Variants in XKR6 observed in about 807,000 individuals in gnomAD.
The protein encoded by XKR6 is XK-related protein 6.
A neutral mutation model predicts 56.7 loss-of-function variants in XKR6; 22 were observed. The observed-to-expected ratio is 0.39, with a 90% CI of 0.28 to 0.55. The LOEUF (loss-of-function observed/expected upper bound fraction) is 0.55, where lower values mean the gene tolerates loss of function less well. Ranked by LOEUF, XKR6 falls within the 20% of genes least tolerant of loss-of-function variation. The probability of loss-of-function intolerance (pLI) is 0.66; values close to 1 mark genes in which losing one functional copy is unlikely to be tolerated. For missense variants in XKR6, 852 were observed against 889.0 expected (o/e 0.96, Z 0.53); for synonymous variants, 524 against 387.8 (o/e 1.35, Z -4.13).
chr8:10,903,162 G>C (rs543947239), intron 2 of XKR6, among the ~76,000 whole-genome samples: 1 of 152,194 alleles, frequency 6.6e-6, no homozygotes, highest in Non-Finnish European at 1.5e-5. Context: ...ATCTGGACCT[G>C]TCTGTGACAT....
intron 2 of XKR6, among the ~76,000 whole-genome samples, chr8:10,900,312 C>G (rs369600402): frequency 6.6e-6 from 1 of 152,306 alleles, no homozygotes; most frequent in African/African-American, 2.4e-5. Flanking sequence ...CTGCTCGTCT[C>G]TCCCCGGGAC....
intron 1 of XKR6, among the ~76,000 whole-genome samples, chr8:11,094,506 T>G (rs918430389): frequency 8.5e-5 from 13 of 152,158 alleles, no homozygotes; most frequent in African/African-American, 3.1e-4. Context: ...TACTTTTCAT[T>G]TGGGGGCATT....
intron 1 of XKR6, among the ~76,000 whole-genome samples, chr8:10,977,395 C>T (rs1423170914): frequency 2.0e-5 from 3 of 151,862 alleles, no homozygotes; most frequent in African/African-American, 7.3e-5. Context: ...ACCCCCTGCA[C>T]AGGTTAAGAG....
At chr8:11,073,561 A>G (rs1024972166) in intron 1 of XKR6, among the ~76,000 whole-genome samples, 1 of 152,244 alleles carries the variant, frequency 6.6e-6, no homozygotes, top group Admixed American at 6.5e-5. Context: ...TCGCTGTAAC[A>G]TATGCACTGA....
chr8:11,039,470 C>T (rs1799229940), intron 1 of XKR6, among the ~76,000 whole-genome samples: 1 of 152,250 alleles, frequency 6.6e-6, no homozygotes, highest in South Asian at 2.1e-4. Flanking sequence ...GAGGGACGCG[C>T]ACTGCCCATG....
chr8:11,095,351 C>G (rs997118407), intron 1 of XKR6, among the ~76,000 whole-genome samples: 21 of 152,196 alleles, frequency 1.4e-4, no homozygotes, highest in Non-Finnish European at 2.9e-4. Flanking sequence ...ATTGTATCTT[C>G]TAAGTTTTTT....
chr8:11,051,321 C>T (rs539671985), intron 1 of XKR6, among the ~76,000 whole-genome samples: 7 of 152,208 alleles, frequency 4.6e-5, no homozygotes, highest in Admixed American at 1.3e-4. Context: ...TCTCCAGTCT[C>T]CCCCTCGGTA....
At chr8:11,023,772 C>T (rs1203461266) in intron 1 of XKR6, among the ~76,000 whole-genome samples, 1 of 152,228 alleles carries the variant, frequency 6.6e-6, no homozygotes, top group Non-Finnish European at 1.5e-5. Flanking sequence ...GATCATTTCT[C>T]ACCTGCTGCG....
At position 11,116,299 on chromosome 8, in the gene XKR6, C is replaced by T. The variant is rs2129181614; in HGVS notation, c.764+84277G>A. On this transcript the variant is annotated intron_variant, in intron 1 of 2. Transcript: ENST00000416569. ...CACTCTAAGTCTTAAACATGCTCATCTATGTATCCCAAATTTGTCCTGTGT... is the reference window on the plus strand; with the variant it reads ...CACTCTAAGTCTTAAACATGCTCATTTATGTATCCCAAATTTGTCCTGTGT... 2.6e-5 allele frequency among the ~76,000 whole-genome samples: 4 copies of T among 152,322 alleles called. 1 individual carries two copies. The Middle Eastern group carries it at 0.014, about 518-fold the overall frequency.
chr8:11,075,704 C>G (rs945473823), intron 1 of XKR6, among the ~76,000 whole-genome samples: 2 of 152,122 alleles, frequency 1.3e-5, no homozygotes, highest in African/African-American at 4.8e-5. Flanking sequence ...CTAACCCCGC[C>G]TCTACTAAAA....
intron 1 of XKR6, among the ~76,000 whole-genome samples, chr8:11,104,073 C>T (rs532714259): frequency 6.6e-6 from 1 of 152,318 alleles, no homozygotes; most frequent in South Asian, 2.1e-4. Context: ...ATACAGAAAG[C>T]AGGTGTCTGC....
chr8:10,974,634 T>G (rs1802501016), intron 1 of XKR6, among the ~76,000 whole-genome samples: 1 of 152,150 alleles, frequency 6.6e-6, no homozygotes, highest in Non-Finnish European at 1.5e-5. Flanking sequence ...TAACAAACAC[T>G]CAGGCCACCT....
Position 11,200,472 on chromosome 8 carries a change from AG to A in XKR6, c.764+103del. On this transcript the variant is annotated intron_variant, in intron 1 of 2. Coordinates refer to ENST00000416569, the MANE Select transcript of XKR6 (RefSeq NM_173683.4). This position sits in a 1 kb window ranked among gnomAD's most constrained non-coding sequence, Gnocchi z 6.4. ...CGGCGCGCGGCCGGTCCCTCCTTCG[AG>A]CCCCCCGCGCTGGGCCCTTTCGAGG... 1 of 1,301,488 alleles carries A rather than the reference AG, an allele frequency of 7.7e-7. No homozygotes were observed. Among genetic ancestry groups the A allele is most frequent in the South Asian group, 2.2e-5 (1 of 46,406 alleles). 80.6% of individuals were successfully genotyped at this position (1,301,488 alleles called of 1,614,324 possible).
At chr8:10,902,890 T>C (rs983557901) in intron 2 of XKR6, among the ~76,000 whole-genome samples, 25 of 152,180 alleles carry the variant, frequency 1.6e-4, no homozygotes, top group African/African-American at 5.1e-4. Context: ...CCCCCATCAC[T>C]TTCTAATCTA....
chr8:11,067,361 C>T (rs538764636), intron 1 of XKR6, among the ~76,000 whole-genome samples: 1 of 152,164 alleles, frequency 6.6e-6, no homozygotes, highest in African/African-American at 2.4e-5. Context: ...CTGGGCAGAG[C>T]CCCCCACCCG....
At chr8:10,948,458 C>T (rs1310786052) in intron 1 of XKR6, among the ~76,000 whole-genome samples, 2 of 152,030 alleles carry the variant, frequency 1.3e-5, no homozygotes, top group African/African-American at 4.8e-5. Context: ...CCTCAGGAAG[C>T]TCTTCCCCTC....
intron 1 of XKR6, among the ~76,000 whole-genome samples, chr8:11,062,267 C>T (rs978238105): frequency 6.6e-6 from 1 of 151,980 alleles, no homozygotes; most frequent in South Asian, 2.1e-4. Context: ...GGCCTGGGAG[C>T]CAAGGCCAGA....
In XKR6 at chr8:11,120,719, G is replaced by A. The variant is rs957700761; in HGVS notation, c.764+79857C>T. On this transcript the variant is annotated intron_variant, in intron 1 of 2. Coordinates refer to ENST00000416569, the MANE Select transcript of XKR6 (RefSeq NM_173683.4). Reference sequence around the variant, plus strand: ...CTCATATGGAACCAAAAAAGAGCCCGCATCGCCAAGTCAATCCTAAGCAAA... The same window carrying A: ...CTCATATGGAACCAAAAAAGAGCCCACATCGCCAAGTCAATCCTAAGCAAA... 4.1e-4 allele frequency among the ~76,000 whole-genome samples: 63 copies of A among 152,192 alleles called. 1 individual carries two copies. Among genetic ancestry groups the A allele is most frequent in the African/African-American group, 1.4e-3 (58 of 41,516 alleles).
At chr8:11,022,863 T>G (rs1357705927) in intron 1 of XKR6, among the ~76,000 whole-genome samples, 3 of 152,144 alleles carry the variant, frequency 2.0e-5, no homozygotes, top group Non-Finnish European at 4.4e-5. Flanking sequence ...AACATTTAGT[T>G]CCTCAGGCAC....
Sources: allele counts gnomAD v4.1 joint callset (sites outside exome capture counted in the v4.1 genomes callset), GRCh38; gene constraint gnomAD v4.1.1; non-coding constraint Gnocchi (gnomAD v3.1); transcripts MANE v1.5; gene names NCBI Gene and HGNC (gene_info 2026-07-23, HGNC 2026-07-21).